The following CRYBG3 variants were observed in gnomAD, a reference collection of about 807,000 sequenced individuals.
CRYBG3 encodes very large A-kinase anchor protein.
Under a neutral mutation model 244.2 loss-of-function variants are expected in CRYBG3, and 127 were observed. That is an observed-to-expected ratio of 0.52 (90% CI 0.45 to 0.60). CRYBG3 has a LOEUF of 0.60. CRYBG3 is among the 20% of genes least tolerant of loss of function. CRYBG3 has a pLI of 0.00. For synonymous variants in CRYBG3, 1,132 were observed against 1,195.8 expected, an observed-to-expected ratio of 0.95 and a Z score of 1.10; for missense variants, 3,325 against 3,442.5, an observed-to-expected ratio of 0.97 and a Z score of 0.85.
chr3:97,847,293 C>A (rs2108177512), intron 2 of CRYBG3, among the ~76,000 whole-genome samples: 1 of 152,278 alleles, frequency 6.6e-6, no homozygotes, highest in East Asian at 1.9e-4. Flanking sequence ...ACAACAACAA[C>A]AAAAATACTC....
chr3:97,924,398 T>C (rs1259086764), intron 17 of CRYBG3: 1 of 454,194 alleles, frequency 2.2e-6, no homozygotes, highest in Admixed American at 2.4e-5. Context: ...AAAGCACAAA[T>C]GAATAAGAAA....
intron 19 of CRYBG3, among the ~76,000 whole-genome samples, chr3:97,939,559 A>T (rs1179469555): frequency 6.6e-6 from 1 of 152,084 alleles, no homozygotes; most frequent in African/African-American, 2.4e-5. Context: ...CAAATGTGTA[A>T]TAAGGGTAAT....
At chr3:97,842,577 A>G (rs935883832) in intron 1 of CRYBG3, among the ~76,000 whole-genome samples, 1 of 152,112 alleles carries the variant, frequency 6.6e-6, no homozygotes, top group African/African-American at 2.4e-5. Context: ...AAAATCTTAA[A>G]TGTGTCTTGG....
At position 97,875,526 on chromosome 3, in the gene CRYBG3, A is replaced by C; in HGVS notation, c.4332A>C (p.Leu1444Phe). 7.9e-7 allele frequency: 1 copy of C among 1,266,724 alleles called. No individual in the cohort carries two copies. The highest frequency in any genetic ancestry group is 9.9e-7 in the Non-Finnish European group (1 of 1,010,392). 78.5% of individuals were successfully genotyped at this position (1,266,724 alleles called of 1,614,324 possible). A position where few individuals can be genotyped will look rare whatever the true frequency, so the allele number is the denominator to read the frequency against. ...TAGATGATAGGGTAAAAACACATTTATTTCGCAGTGAGGACTGTAATGAGA... is the reference window on the plus strand; with the variant it reads ...TAGATGATAGGGTAAAAACACATTTCTTTCGCAGTGAGGACTGTAATGAGA... The part of the protein sequence containing the change: ...KRLDDRVKTH[L>F]FRSEDCNETM... The change falls in exon 4 of 22, where the codon TTA becomes TTC. Residue 1444 changes from leucine (L) to phenylalanine (F), a missense_variant. Physicochemically the swap from Leu to Phe is conservative, Grantham distance 22. Coordinates refer to ENST00000389622, the MANE Select transcript of CRYBG3 (RefSeq NM_153605.4).
chr3:97,885,177 T>C (rs533728996), intron 7 of CRYBG3, among the ~76,000 whole-genome samples: 1 of 152,322 alleles, frequency 6.6e-6, no homozygotes, highest in South Asian at 2.1e-4. Flanking sequence ...CTTTAAAGGA[T>C]ATTTTAGATT....
chr3:97,910,710 C>CG (rs996292969), intron 15 of CRYBG3, among the ~76,000 whole-genome samples: 16 of 152,212 alleles, frequency 1.1e-4, no homozygotes, highest in African/African-American at 3.6e-4. Flanking sequence ...CCGTCTTCTG[C>CG]GTCACTCACG....
chr3:97,864,149 T>C, intron 2 of CRYBG3, 68 bp from the exon 3 acceptor site: 1 of 1,246,398 alleles, frequency 8.0e-7, no homozygotes. Flanking sequence ...ATCTGTTTTA[T>C]AATAGCTTAT....
chr3:97,885,750 G>A (rs2039500512), intron 7 of CRYBG3, among the ~76,000 whole-genome samples: 2 of 151,960 alleles, frequency 1.3e-5, no homozygotes, highest in South Asian at 4.2e-4. Context: ...AAGTTAGTGT[G>A]GATCACTAGT....
intron 9 of CRYBG3, 108 bp from the exon 10 acceptor site, chr3:97,889,247 C>T (rs1316469189): frequency 3.4e-6 from 3 of 872,492 alleles, no homozygotes; most frequent in Non-Finnish European, 5.5e-6. Flanking sequence ...GGTGTGTAAT[C>T]TTCACTGGTT....
Position 97,873,561 on chromosome 3 carries a change from C to T in CRYBG3, c.2367C>T (p.Asn789=). 1 of 1,535,394 alleles carries T rather than the reference C, an allele frequency of 6.5e-7. No homozygotes were observed. Among genetic ancestry groups the T allele is most frequent in the South Asian group, 1.2e-5 (1 of 84,028 alleles). ...DPNRVELVSS[N]TKANMSIIEK... is the part of the protein sequence containing the mutation. ...ATAGAGTAGAGTTAGTGTCTTCAAA[C>T]ACTAAAGCAAATATGAGCATAATAG... Residue 789 remains asparagine, a synonymous_variant, in exon 4 of 22, where the codon AAC becomes AAT. Transcript: ENST00000389622.
intron 1 of CRYBG3, chr3:97,836,911 C>G (rs909634062): frequency 2.0e-5 from 3 of 152,134 alleles, no homozygotes; most frequent in Non-Finnish European, 4.4e-5. Context: ...GTTGGTCTAC[C>G]TGTTTTTTTT....
Position 97,872,013 on chromosome 3 carries a change from T to A in CRYBG3, c.819T>A (p.Ser273Arg), listed in dbSNP as rs1166794346. ...SSTNRHIDPGSEIEAGVLPLL... is the reference protein window; with the variant it reads ...SSTNRHIDPGREIEAGVLPLL... ...CAAACAGACACATTGACCCTGGAAG[T>A]GAGATTGAGGCTGGGGTACTGCCAC... Residue 273 changes from serine to arginine, a missense_variant, in exon 4 of 22, where the codon AGT becomes AGA. Transcript: ENST00000389622. The A allele has an allele frequency of 6.5e-7, 1 of 1,535,780 alleles. No homozygotes were observed. The highest frequency in any genetic ancestry group is 2.0e-5 in the Admixed American group (1 of 50,972).
chr3:97,876,760 A>G lies in CRYBG3; in HGVS notation c.5566A>G (p.Asn1856Asp), dbSNP rs1206168360. 4.8e-6 allele frequency: 6 copies of G among 1,260,840 alleles called. No homozygotes were observed. The highest frequency in any genetic ancestry group is 4.6e-5 in the African/African-American group (3 of 64,802). The allele number at this position is 1,260,840 out of a possible 1,614,324, so 78.1% of individuals were successfully genotyped here. ...AATATCCCCAGAAGATCGTGGTGAGAATATTGGGAAACACAAAGTGTTACC... is the reference window on the plus strand; with the variant it reads ...AATATCCCCAGAAGATCGTGGTGAGGATATTGGGAAACACAAAGTGTTACC... Reference protein sequence around the residue: ...EKISPEDRGENIGKHKVLPAV... With the variant: ...EKISPEDRGEDIGKHKVLPAV... Residue 1856 changes from asparagine to aspartate, a missense_variant, in exon 4 of 22, where the codon AAT (asparagine) becomes GAT (aspartate). Physicochemically the swap from Asn to Asp is conservative, Grantham distance 23. Transcript: ENST00000389622.
At chr3:97,942,744 T>C (rs1180749128) in intron 21 of CRYBG3, 1 of 251,466 alleles carries the variant, frequency 4.0e-6, no homozygotes, top group African/African-American at 2.3e-5. Flanking sequence ...ATCTGTTTCT[T>C]AGAAACATCT....
intron 17 of CRYBG3, among the ~76,000 whole-genome samples, chr3:97,922,863 A>C (rs1044943808): frequency 1.3e-5 from 2 of 152,196 alleles, no homozygotes; most frequent in African/African-American, 2.4e-5. Context: ...ATTATAAATC[A>C]TGCTGCTATA....
At chr3:97,846,028 G>A (rs1025888674) in intron 2 of CRYBG3, among the ~76,000 whole-genome samples, 6 of 152,058 alleles carry the variant, frequency 3.9e-5, no homozygotes, top group African/African-American at 9.7e-5. Context: ...TCTGGCGCAC[G>A]TGTCATGGAT....
Position 97,864,332 on chromosome 3 carries a change from G to GA in CRYBG3, c.333dup (p.Glu112ArgfsTer3). ...AGTTCCACTTCAGATACCAAAATAG[G>GA]AGAAAGTGACAGACAGCCAAAAGAA... On this transcript the variant is annotated frameshift_variant, in exon 3 of 22. Transcript: ENST00000389622. LOFTEE classifies it high-confidence loss of function. The GA allele has an allele frequency of 6.5e-7, 1 of 1,535,866 alleles. No homozygotes were observed. Among genetic ancestry groups the GA allele is most frequent in the Non-Finnish European group, 8.7e-7 (1 of 1,146,786 alleles).
intron 18 of CRYBG3, among the ~76,000 whole-genome samples, chr3:97,934,471 C>T (rs1209351370): frequency 6.6e-6 from 1 of 152,022 alleles, no homozygotes; most frequent in Non-Finnish European, 1.5e-5. Context: ...CCAGCCCCTA[C>T]TCCTGCACTG....
intron 1 of CRYBG3, among the ~76,000 whole-genome samples, chr3:97,831,831 T>C (rs1412329256): frequency 6.6e-6 from 1 of 152,140 alleles, no homozygotes; most frequent in African/African-American, 2.4e-5. Flanking sequence ...TTTCTCTCCT[T>C]CAAAAATCTC....
Sources: allele counts gnomAD v4.1 joint callset (sites outside exome capture counted in the v4.1 genomes callset), GRCh38; gene constraint gnomAD v4.1.1; transcripts MANE v1.5; gene names NCBI Gene and HGNC (gene_info 2026-07-23, HGNC 2026-07-21).